Variants in CACNA1C observed in about 807,000 individuals in gnomAD.
CACNA1C encodes calcium voltage-gated channel subunit alpha1 C.
In CACNA1C, 30 loss-of-function variants were observed where a neutral mutation model predicts 229.0. That is an observed-to-expected ratio of 0.13 (90% confidence interval 0.10 to 0.18). CACNA1C has a LOEUF of 0.18. Ranked by LOEUF, CACNA1C falls within the 10% of genes least tolerant of loss-of-function variation. CACNA1C has a pLI of 1.00. For synonymous variants in CACNA1C, 1,114 were observed against 1,132.5 expected (o/e 0.98, Z 0.33); for missense variants, 1,658 against 2,845.0 (o/e 0.58, Z 9.49).
At chr12:2,202,074 T>C (rs1301253685) in intron 3 of CACNA1C, among the ~76,000 whole-genome samples, 3 of 152,234 alleles carry the variant, frequency 2.0e-5, no homozygotes, top group African/African-American at 7.2e-5. Flanking sequence ...TTATAATGAT[T>C]AGAGAAATGA....
At chr12:2,416,751 G>T (rs143356200) in intron 3 of CACNA1C, among the ~76,000 whole-genome samples, 137 of 152,322 alleles carry the variant, frequency 9.0e-4, no homozygotes, top group Non-Finnish European at 1.6e-3. Context: ...GACACTGACT[G>T]TGGAAGTCAT....
chr12:2,390,067 G>A (rs558778505), intron 3 of CACNA1C, among the ~76,000 whole-genome samples: 111 of 152,288 alleles, frequency 7.3e-4, no homozygotes, highest in Admixed American at 2.5e-3. Flanking sequence ...GAAGTTGAGG[G>A]GTTATTTGAC....
At chr12:2,464,284 G>C (rs1397252064) in intron 5 of CACNA1C, among the ~76,000 whole-genome samples, 1 of 152,112 alleles carries the variant, frequency 6.6e-6, no homozygotes, top group East Asian at 1.9e-4. Flanking sequence ...AGCTAGGTGC[G>C]GGGACAGAGG....
intron 3 of CACNA1C, among the ~76,000 whole-genome samples, chr12:2,139,876 C>T (rs1347421995): frequency 4.0e-5 from 6 of 151,260 alleles, no homozygotes; most frequent in African/African-American, 1.4e-4. Context: ...TGCGACATGC[C>T]CTGGCTTCTG....
intron 3 of CACNA1C, among the ~76,000 whole-genome samples, chr12:2,367,365 T>A (rs973543865): frequency 2.6e-5 from 4 of 152,130 alleles, no homozygotes; most frequent in Non-Finnish European, 5.9e-5. Flanking sequence ...CGGTCCGCCA[T>A]TGTGGGGACT....
chr12:2,237,831 T>A (rs1198957020), intron 3 of CACNA1C, among the ~76,000 whole-genome samples: 1 of 152,216 alleles, frequency 6.6e-6, no homozygotes, highest in African/African-American at 2.4e-5. Flanking sequence ...AGAGCATCCT[T>A]CGATAGAACA....
chr12:2,389,495 G>A (rs905534793), intron 3 of CACNA1C, among the ~76,000 whole-genome samples: 2 of 152,180 alleles, frequency 1.3e-5, no homozygotes, highest in East Asian at 3.9e-4. Context: ...TTAAGTAAAA[G>A]GGAAGATTGT....
Position 1,987,273 on chromosome 12 carries a change from C to T in CACNA1C, c.139+16072C>T, listed in dbSNP as rs78271054. The stretch of plus-strand genomic sequence containing the variant: ...TCCTACATATGCTAGTGCTGTATTT[C>T]ATATGTACATCATTATAATACTAGT... On this transcript the variant is annotated intron_variant, in intron 1 of 46. Coordinates refer to the CACNA1C transcript ENST00000682462. 1.9e-3 allele frequency among the ~76,000 whole-genome samples: 288 copies of T among 152,310 alleles called. 9 individuals are homozygous for T. In the East Asian group the frequency reaches 0.051, roughly 27 times the overall value.
intron 3 of CACNA1C, among the ~76,000 whole-genome samples, chr12:2,196,876 G>C (rs1214597358): frequency 6.6e-6 from 1 of 152,198 alleles, no homozygotes; most frequent in Non-Finnish European, 1.5e-5. Flanking sequence ...CTGCTCCTGG[G>C]CTCTTCAGAA....
chr12:2,478,952 G>A (rs1395491385), intron 5 of CACNA1C, among the ~76,000 whole-genome samples: 1 of 152,176 alleles, frequency 6.6e-6, no homozygotes, highest in Non-Finnish European at 1.5e-5. Context: ...TACAGCCTGG[G>A]TACGCCTGTC....
rs1463998598 is a variant in CACNA1C at position 2,696,588 on chromosome 12, A to G, written c.*5389A>G. On this transcript the variant is annotated 3_prime_UTR_variant, in exon 47 of 47. Coordinates refer to ENST00000399655, the MANE Select transcript of CACNA1C (RefSeq NM_000719.7). ...TCTAAAATTCACTCATGCACCTCAA[A>G]CCAAGGTCATTATCCAAAAAAAAAA... 6.8e-6 allele frequency: 1 copy of G among 146,606 alleles called. No homozygotes were observed. Among genetic ancestry groups the G allele is most frequent in the East Asian group, 2.0e-4 (1 of 4,944 alleles). 9.1% of individuals were successfully genotyped at this position (146,606 alleles called of 1,614,324 possible).
At chr12:2,567,948 T>A (rs1449703194) in intron 13 of CACNA1C, among the ~76,000 whole-genome samples, 154 bp downstream of exon 13, 1 of 152,140 alleles carries the variant, frequency 6.6e-6, no homozygotes, top group Non-Finnish European at 1.5e-5. Flanking sequence ...TTGTGTTCAT[T>A]TAGATGGCAC....
rs946072640 is a variant in CACNA1C, at chr12:2,007,335, C to T, written c.139+36134C>T. 3.9e-5 allele frequency among the ~76,000 whole-genome samples: 6 copies of T among 152,150 alleles called. No individual in the cohort carries two copies. The South Asian group carries it at 1.0e-3, about 26-fold the overall frequency. On this transcript the variant is annotated intron_variant, in intron 1 of 46. Transcript: ENST00000682462. ...AGAATAGATCATGGCCTCCAAAGAA[C>T]GAATTGCTTTGAGCTCATTAGAGAA... is the stretch of plus-strand genomic sequence containing the variant.
intron 13 of CACNA1C, among the ~76,000 whole-genome samples, chr12:2,577,900 G>T (rs1441382429): frequency 6.8e-6 from 1 of 147,298 alleles, no homozygotes; most frequent in South Asian, 2.2e-4. Flanking sequence ...ACGGAGTCTC[G>T]CTCTGTCGCC....
intron 7 of CACNA1C, among the ~76,000 whole-genome samples, chr12:2,503,870 G>A (rs891551498): frequency 5.3e-5 from 8 of 152,194 alleles, no homozygotes; most frequent in Non-Finnish European, 1.0e-4. Context: ...TCTCCCAGCC[G>A]GTGGCCCGCA....
Position 2,608,477 on chromosome 12 carries a change from C to G in CACNA1C, c.3357-34C>G. On this transcript the variant is annotated intron_variant, in intron 26 of 46. Coordinates refer to ENST00000399655, the MANE Select transcript of CACNA1C (RefSeq NM_000719.7). This position sits in a 1 kb window ranked among gnomAD's most constrained non-coding sequence, Gnocchi z 4.2. ...TTCCGCAGAGGGGACCCTGCTTCTCCAGTTCCCTCTGTGGGACCTGTCTCC... is the reference window on the plus strand; with the variant it reads ...TTCCGCAGAGGGGACCCTGCTTCTCGAGTTCCCTCTGTGGGACCTGTCTCC... 6.5e-7 allele frequency: 1 copy of G among 1,545,494 alleles called. No homozygotes were observed. Among genetic ancestry groups the G allele is most frequent in the African/African-American group, 1.4e-5 (1 of 73,624 alleles).
intron 30 of CACNA1C, among the ~76,000 whole-genome samples, chr12:2,643,034 CA>C (rs1355616136): frequency 6.6e-6 from 1 of 152,216 alleles, no homozygotes; most frequent in Non-Finnish European, 1.5e-5. Flanking sequence ...GCTTCACACA[CA>C]AAGCAGGAAG....
chr12:2,512,319 G>T lies in CACNA1C; in HGVS notation c.1218-493G>T, dbSNP rs2099786317. ...GAATGATTGGCTCTCAGGACCTGGGGCGAGTGAGTGGGCTTTGGTACACTG... is the reference window on the plus strand; with the variant it reads ...GAATGATTGGCTCTCAGGACCTGGGTCGAGTGAGTGGGCTTTGGTACACTG... On this transcript the variant is annotated intron_variant, in intron 8 of 46. Transcript: ENST00000399655. The surrounding 1 kb of genome is among the most constrained non-coding windows in gnomAD (Gnocchi z 4.3). 6.6e-6 allele frequency among the ~76,000 whole-genome samples: 1 copy of T among 152,102 alleles called. No individual in the cohort carries two copies. Among genetic ancestry groups the T allele is most frequent in the South Asian group, 2.1e-4 (1 of 4,816 alleles).
At chr12:2,056,202 T>TGTGA (rs1304361351) in intron 1 of CACNA1C, among the ~76,000 whole-genome samples, 1 of 25,494 alleles carries the variant, frequency 3.9e-5, no homozygotes, top group Non-Finnish European at 6.7e-5. Flanking sequence ...TGTGAGTGTG[T>TGTGA]GTGTGTGTGT....
Sources: gnomAD v4.1 joint callset for allele counts (sites outside exome capture counted in the v4.1 genomes callset) on GRCh38, gnomAD v4.1.1 for gene constraint, Gnocchi (gnomAD v3.1) non-coding constraint, MANE v1.5 for transcripts, NCBI Gene and HGNC (gene_info 2026-07-23, HGNC 2026-07-21) for gene names.